The following NR2C2 variants were observed in gnomAD, a reference collection of about 807,000 sequenced individuals.
NR2C2 encodes the protein Nuclear hormone receptor TR4.
In NR2C2, 6 loss-of-function variants were observed where a neutral mutation model predicts 62.9. The ratio of observed to expected loss-of-function variants is 0.10; its 90% CI spans 0.05 to 0.19. The LOEUF is 0.19. Among genes scored for constraint, NR2C2 ranks in the 10% least tolerant of loss-of-function variants. The probability of loss-of-function intolerance (pLI) is 1.00; values close to 1 mark genes in which losing one functional copy is unlikely to be tolerated. For synonymous variants in NR2C2, 272 were observed against 273.8 expected (o/e 0.99, Z 0.07); for missense variants, 479 against 762.7 (o/e 0.63, Z 4.38).
intron 1 of NR2C2, among the ~76,000 whole-genome samples, chr3:14,989,924 C>CAAAAAA (rs34980642): frequency 3.9e-5 from 2 of 51,018 alleles, no homozygotes; most frequent in Non-Finnish European, 7.4e-5. Flanking sequence ...GACTCCATCT[C>CAAAAAA]AAAAAAAAAA....
At chr3:14,995,931 A>C (rs1156509148) in intron 1 of NR2C2, among the ~76,000 whole-genome samples, 2 of 152,144 alleles carry the variant, frequency 1.3e-5, no homozygotes, top group Non-Finnish European at 2.9e-5. Context: ...AGTGATATTG[A>C]ATATTTTTTC....
rs1002389223 is a variant in NR2C2, at chr3:15,037,995, T to C, written c.1373-5T>C. ...TTTCTCAGGATCTGTGATGTTGGTT[T>C]CTAGATAAACTTTCTGGTGACCGGA... On this transcript the variant is annotated splice_region_variant and splice_polypyrimidine_tract_variant and intron_variant, in intron 11 of 13. Transcript: ENST00000425241. 6.2e-7 allele frequency: 1 copy of C among 1,612,208 alleles called. No individual in the cohort carries two copies. Among genetic ancestry groups the C allele is most frequent in the African/African-American group, 1.3e-5 (1 of 74,822 alleles).
intron 1 of NR2C2, 73 bp from the exon 2 acceptor site, chr3:15,003,803 A>C: frequency 1.1e-6 from 1 of 890,080 alleles, no homozygotes; most frequent in Admixed American, 1.9e-5. Flanking sequence ...TGAAAGCAAG[A>C]GGCGTGGTCT....
At chr3:14,953,877 A>G (rs1402124478) in intron 1 of NR2C2, among the ~76,000 whole-genome samples, 1 of 145,794 alleles carries the variant, frequency 6.9e-6, no homozygotes, top group Non-Finnish European at 1.5e-5. Flanking sequence ...CCTGGGCGAC[A>G]GTGCGAGACT....
rs144736024 is a variant in NR2C2 at position 14,987,826 on chromosome 3, C to T, written c.-39-16050C>T. Among the ~76,000 whole-genome samples the T allele has an allele frequency of 9.8e-5, 15 of 152,318 alleles. No homozygotes were observed. In the East Asian group the frequency reaches 2.9e-3, roughly 29 times the overall value. The stretch of plus-strand genomic sequence containing the variant: ...AAATCTTTTGCTCTTTTCTCACGTG[C>T]ATATCATCTGGTTGTAATCACAGTG... On this transcript the variant is annotated intron_variant, in intron 1 of 13. Transcript: ENST00000425241.
chr3:14,987,632 C>A (rs978966574), intron 1 of NR2C2, among the ~76,000 whole-genome samples: 6 of 152,158 alleles, frequency 3.9e-5, no homozygotes, highest in African/African-American at 1.4e-4. Flanking sequence ...TTGTCTTCCT[C>A]CATAATGCTT....
chr3:15,016,320 T>C (rs2041510858), intron 4 of NR2C2, 66 bp downstream of exon 4: 1 of 1,184,310 alleles, frequency 8.4e-7, no homozygotes, highest in South Asian at 1.3e-5. Flanking sequence ...TGTTGTGAGG[T>C]GGGGTGGTAG....
intron 1 of NR2C2, among the ~76,000 whole-genome samples, chr3:14,982,050 T>C (rs747319848): frequency 6.6e-6 from 1 of 152,102 alleles, no homozygotes; most frequent in Non-Finnish European, 1.5e-5. Context: ...CCAGGAATAA[T>C]ACTTTACATC....
chr3:14,999,810 T>C (rs765666167), intron 1 of NR2C2, among the ~76,000 whole-genome samples: 4 of 152,190 alleles, frequency 2.6e-5, no homozygotes, highest in Middle Eastern at 3.2e-3. Context: ...TTTGAACATA[T>C]AGGTGAGGGT....
chr3:15,040,187 A>G (rs2042217536), intron 13 of NR2C2, among the ~76,000 whole-genome samples: 1 of 152,018 alleles, frequency 6.6e-6, no homozygotes, highest in Non-Finnish European at 1.5e-5. Flanking sequence ...ACAACAAAAA[A>G]AAACCCTTTC....
chr3:14,998,060 T>C (rs910944422), intron 1 of NR2C2, among the ~76,000 whole-genome samples: 26 of 152,254 alleles, frequency 1.7e-4, no homozygotes, highest in African/African-American at 6.0e-4. Context: ...TGGTGGTCTT[T>C]CGTGGCTGAG....
At chr3:15,029,679 G>T (rs929076980) in intron 8 of NR2C2, among the ~76,000 whole-genome samples, 1 of 152,122 alleles carries the variant, frequency 6.6e-6, no homozygotes, top group Non-Finnish European at 1.5e-5. Context: ...TTGGGCCTAG[G>T]TGCAGTGGCT....
At chr3:15,002,967 CTT>C (rs34599110) in intron 1 of NR2C2, among the ~76,000 whole-genome samples, 2 of 144,730 alleles carry the variant, frequency 1.4e-5, no homozygotes, top group Non-Finnish European at 3.0e-5. Flanking sequence ...CCACAATACA[CTT>C]TTTTTTTTTT....
chr3:14,986,703 A>T (rs971078277), intron 1 of NR2C2, among the ~76,000 whole-genome samples: 15 of 152,370 alleles, frequency 9.8e-5, no homozygotes, highest in South Asian at 4.1e-4. Flanking sequence ...CACAGAAAAT[A>T]GAGAATTAGA....
chr3:14,955,331 A>G (rs891805572), intron 1 of NR2C2, among the ~76,000 whole-genome samples: 2 of 152,220 alleles, frequency 1.3e-5, no homozygotes, highest in Non-Finnish European at 2.9e-5. Context: ...ACTGAAACAT[A>G]AGTCACATAT....
chr3:14,994,723 G>A (rs2040773092), intron 1 of NR2C2, among the ~76,000 whole-genome samples: 1 of 147,622 alleles, frequency 6.8e-6, no homozygotes, highest in Non-Finnish European at 1.5e-5. Flanking sequence ...CTGCAGATGT[G>A]AGCTGCCACA....
chr3:14,994,649 G>T (rs921608026), intron 1 of NR2C2, among the ~76,000 whole-genome samples: 2 of 151,124 alleles, frequency 1.3e-5, no homozygotes, highest in Non-Finnish European at 2.9e-5. Context: ...CACCATGTTG[G>T]CCAGGATGGT....
intron 7 of NR2C2, chr3:15,026,696 T>C (rs1164403454): frequency 6.7e-6 from 1 of 148,354 alleles, no homozygotes; most frequent in Non-Finnish European, 1.5e-5. Flanking sequence ...TGCCAAATAA[T>C]GCACCTCTGT....
chr3:14,949,850 CTT>C (rs1456897555), intron 1 of NR2C2, among the ~76,000 whole-genome samples: 2 of 152,184 alleles, frequency 1.3e-5, no homozygotes, highest in Admixed American at 6.5e-5. Context: ...TGAGTTCTCT[CTT>C]TCTCTCTCTC....
Sources: gnomAD v4.1 joint callset for allele counts (sites outside exome capture counted in the v4.1 genomes callset) on GRCh38, gnomAD v4.1.1 for gene constraint, MANE v1.5 for transcripts, NCBI Gene and HGNC (gene_info 2026-07-23, HGNC 2026-07-21) for gene names.